NR4A1: variants seen among roughly 807,000 people sequenced by gnomAD.
NR4A1 encodes nuclear receptor subfamily 4 group A member 1, also known as nuclear receptor subfamily 4immunitygroup A member 1.
In NR4A1, 24 loss-of-function variants were observed where a neutral mutation model predicts 47.5. That is an observed-to-expected ratio of 0.50 (90% CI 0.37 to 0.71). NR4A1 has a LOEUF of 0.71. Among genes scored for constraint, NR4A1 ranks in the 30% least tolerant of loss-of-function variants. The pLI, the probability that NR4A1 is intolerant of heterozygous loss-of-function variation, is 0.00. For synonymous variants in NR4A1, 353 were observed against 345.7 expected (o/e 1.02, Z -0.24); for missense variants, 669 against 788.6 (o/e 0.85, Z 1.82).
intron 1 of NR4A1, among the ~76,000 whole-genome samples, chr12:52,030,920 C>T (rs1938111349): frequency 1.3e-5 from 2 of 152,168 alleles, no homozygotes; most frequent in Admixed American, 1.3e-4. Flanking sequence ...CAGCCACTTG[C>T]CTTACTCTGC....
intron 1 of NR4A1, chr12:52,053,927 T>G (rs1178924738): frequency 4.9e-6 from 1 of 204,150 alleles, no homozygotes; most frequent in Non-Finnish European, 9.8e-6. Context: ...GAGGCTTTGC[T>G]GGGCTGCCTC....
intron 2 of NR4A1, chr12:52,042,037 G>A: frequency 2.5e-6 from 3 of 1,197,590 alleles, no homozygotes; most frequent in Non-Finnish European, 3.2e-6. Flanking sequence ...GGATGGAGGG[G>A]AAGCCCTGGG....
upstream of NR4A1, chr12:52,051,403 T>C: frequency 5.1e-6 from 5 of 985,490 alleles, no homozygotes; most frequent in Non-Finnish European, 6.0e-6. Context: ...TCCCCGTGCG[T>C]CACGGAGCGC....
intron 1 of NR4A1, 69 bp downstream of exon 1, chr12:52,051,637 G>C (rs545726161): frequency 1.1e-6 from 1 of 951,462 alleles, no homozygotes; most frequent in African/African-American, 1.8e-5. Context: ...GTGTACGCGC[G>C]GGCAGAGAGG....
Position 52,051,584 on chromosome 12 carries a change from G to T in NR4A1, c.-3+16G>T. 1.0e-6 allele frequency: 1 copy of T among 985,790 alleles called. No individual in the cohort carries two copies. The highest frequency in any genetic ancestry group is 1.2e-6 in the Non-Finnish European group (1 of 830,178). 61.1% of individuals were successfully genotyped at this position (985,790 alleles called of 1,614,324 possible). On this transcript the variant is annotated intron_variant, in intron 1 of 6. Transcript: ENST00000394825. The stretch of plus-strand genomic sequence containing the variant: ...AGCCGGCCGGGTAGGTTCCCTTCGG[G>T]GAACGTGCATCTGTTTTTAGGAGCG...
chr12:52,052,266 CACGTGTGT>C (rs1419233324), intron 1 of NR4A1, among the ~76,000 whole-genome samples: 2 of 95,038 alleles, frequency 2.1e-5, no homozygotes, highest in African/African-American at 1.2e-4. Context: ...GGGCTTGGAT[CACGTGTGT>C]GTGTGTGTGT....
chr12:52,025,184 C>T (rs1014606993), intron 1 of NR4A1, among the ~76,000 whole-genome samples: 1 of 152,006 alleles, frequency 6.6e-6, no homozygotes, highest in African/African-American at 2.4e-5. Context: ...CTCAGTCTCC[C>T]GAGTAGCTGG....
At chr12:52,031,573 G>A (rs1348958088) in intron 1 of NR4A1, among the ~76,000 whole-genome samples, 1 of 151,488 alleles carries the variant, frequency 6.6e-6, no homozygotes, top group Non-Finnish European at 1.5e-5. Context: ...GGAGGCAGAG[G>A]TTGCAGTGAG....
At chr12:52,031,011 A>G (rs1046191158) in intron 1 of NR4A1, among the ~76,000 whole-genome samples, 30 of 149,858 alleles carry the variant, frequency 2.0e-4, no homozygotes, top group African/African-American at 7.4e-4. Context: ...CCACCGACAA[A>G]CTCCCCTCAG....
rs747358898 is a variant in NR4A1 at position 52,055,211 on chromosome 12, C to T, written c.876+7C>T. 1.1e-5 allele frequency: 17 copies of T among 1,610,858 alleles called. No homozygotes were observed. Among genetic ancestry groups the T allele is most frequent in the East Asian group, 6.7e-5 (3 of 44,892 alleles). On this transcript the variant is annotated splice_region_variant and intron_variant, in intron 2 of 6. Coordinates refer to ENST00000394825, the MANE Select transcript of NR4A1 (RefSeq NM_173157.3). ...CTGCAAGGGCTTCTTCAAGGTACCG[C>T]GCAGCCCCAGGTGGGGCCTTTTGTT...
At chr12:52,031,000 T>A (rs907705317) in intron 1 of NR4A1, among the ~76,000 whole-genome samples, 2 of 151,816 alleles carry the variant, frequency 1.3e-5, no homozygotes, top group Non-Finnish European at 2.9e-5. Context: ...CCCCTAACTC[T>A]CCACCGACAA....
intron 2 of NR4A1, 33 bp from the exon 3 acceptor site, chr12:52,055,997 T>G: frequency 1.8e-6 from 1 of 557,186 alleles, no homozygotes; most frequent in Non-Finnish European, 2.5e-6. Flanking sequence ...CCCCACACTC[T>G]GACAGCTTGT....
chr12:52,055,129 T>C lies in NR4A1; in HGVS notation c.801T>C (p.Cys267=). Residue 267 remains cysteine (C), a synonymous_variant, in exon 2 of 7, where the codon TGT becomes TGC. Coordinates refer to ENST00000394825, the MANE Select transcript of NR4A1 (RefSeq NM_173157.3). ...CCCCAGGTGGAAGTGAAGGCCGCTG[T>C]GCTGTGTGTGGGGACAACGCTTCAT... ...SGAPGGSEGR[C]AVCGDNASCQ... is the part of the protein sequence containing the mutation. 1 of 1,614,152 alleles carries C rather than the reference T, an allele frequency of 6.2e-7. No homozygotes were observed. Among genetic ancestry groups the C allele is most frequent in the Non-Finnish European group, 8.5e-7 (1 of 1,180,048 alleles).
chr12:52,024,537 A>T (rs996497916), intron 1 of NR4A1, among the ~76,000 whole-genome samples: 13 of 152,004 alleles, frequency 8.6e-5, no homozygotes, highest in Non-Finnish European at 1.3e-4. Context: ...TCTACAAAAA[A>T]TTTTTAAAAA....
intron 1 of NR4A1, among the ~76,000 whole-genome samples, chr12:52,024,486 G>GAA (rs1937962402): frequency 6.6e-6 from 1 of 152,172 alleles, no homozygotes; most frequent in East Asian, 1.9e-4. Context: ...CTCTTGAGCA[G>GAA]AAGTTCAAGA....
intron 1 of NR4A1, among the ~76,000 whole-genome samples, chr12:52,027,178 C>T (rs1428084454): frequency 6.6e-6 from 1 of 152,238 alleles, no homozygotes; most frequent in Non-Finnish European, 1.5e-5. Context: ...CCAGCCCTGA[C>T]TTCCAGCCCG....
intron 1 of NR4A1, among the ~76,000 whole-genome samples, chr12:52,023,113 C>T (rs1421860769): frequency 6.6e-6 from 1 of 152,248 alleles, no homozygotes; most frequent in Non-Finnish European, 1.5e-5. Context: ...TTCACGGGTT[C>T]CCGTCTAGAC....
chr12:52,045,230 G>A (rs539739843), intron 2 of NR4A1, among the ~76,000 whole-genome samples: 1 of 152,190 alleles, frequency 6.6e-6, no homozygotes, highest in African/African-American at 2.4e-5. Flanking sequence ...AGGGCTGCCG[G>A]CTCCCCCGTC....
intron 1 of NR4A1, among the ~76,000 whole-genome samples, chr12:52,030,545 C>T (rs1938100760): frequency 6.6e-6 from 1 of 152,352 alleles, no homozygotes; most frequent in East Asian, 1.9e-4. Flanking sequence ...TCTCCTGCCT[C>T]AGCCTCCTGA....
Sources: allele counts gnomAD v4.1 joint callset (sites outside exome capture counted in the v4.1 genomes callset), GRCh38; gene constraint gnomAD v4.1.1; transcripts MANE v1.5; gene names NCBI Gene and HGNC (gene_info 2026-07-23, HGNC 2026-07-21).